Variants in FOCAD observed in about 807,000 individuals in gnomAD.
FOCAD encodes KIAA1797.
FOCAD carries 198 observed loss-of-function variants against 225.6 expected under a neutral mutation model. The observed-to-expected ratio is 0.88, with a 90% CI of 0.78 to 0.99. FOCAD has a LOEUF of 0.99. Among genes scored for constraint, FOCAD ranks in the 50% least tolerant of loss-of-function variants. FOCAD has a pLI of 0.00. For synonymous variants in FOCAD, 897 were observed against 755.0 expected (o/e 1.19, Z -3.08); for missense variants, 2,713 against 2,123.6 (o/e 1.28, Z -5.46).
At chr9:20,736,972 G>C (rs1827203082) in intron 4 of FOCAD, among the ~76,000 whole-genome samples, 1 of 151,810 alleles carries the variant, frequency 6.6e-6, no homozygotes, top group Non-Finnish European at 1.5e-5. Flanking sequence ...ATTTCAAGTG[G>C]GTTGAGGGGG....
chr9:20,937,554 C>G (rs934202924), intron 28 of FOCAD, among the ~76,000 whole-genome samples: 1 of 151,906 alleles, frequency 6.6e-6, no homozygotes, highest in Non-Finnish European at 1.5e-5. Flanking sequence ...GGATCCCTTC[C>G]TTACACCTTA....
intron 7 of FOCAD, among the ~76,000 whole-genome samples, chr9:20,767,183 CA>C (rs1830122463): frequency 6.6e-6 from 1 of 150,854 alleles, no homozygotes; most frequent in Non-Finnish European, 1.5e-5. Context: ...CATAGTATTC[CA>C]TGGTGTATAT....
intron 8 of FOCAD, among the ~76,000 whole-genome samples, chr9:20,773,202 C>T (rs1001415281): frequency 6.6e-6 from 1 of 152,104 alleles, no homozygotes; most frequent in South Asian, 2.1e-4. Context: ...TTGTGTATTT[C>T]CCCCCACCTT....
intron 40 of FOCAD, among the ~76,000 whole-genome samples, chr9:20,986,870 T>C (rs934457445): frequency 2.0e-5 from 3 of 152,146 alleles, no homozygotes; most frequent in Non-Finnish European, 2.9e-5. Flanking sequence ...AACTAGTTAT[T>C]TTACAGAAGA....
At chr9:20,671,530 G>A (rs1465404222) in intron 2 of FOCAD, among the ~76,000 whole-genome samples, 1 of 152,092 alleles carries the variant, frequency 6.6e-6, no homozygotes, top group Non-Finnish European at 1.5e-5. Flanking sequence ...TGTATATGGT[G>A]ACTGTTCAGT....
chr9:20,995,608 G>T lies in FOCAD; in HGVS notation c.5385G>T (p.Trp1795Cys). Residue 1795 changes from tryptophan to cysteine, a missense_variant, in exon 44 of 44, where the codon TGG becomes TGT. Trp to Cys is a radical substitution (Grantham distance 215). Transcript: ENST00000338382. The part of the protein sequence containing the change: ...VLPEFKKKAV[W>C]TRAYGW ...CAGAGTTTAAGAAGAAAGCTGTATG[G>T]ACCAGAGCATATGGTTGGTGAACAG... 1 of 1,612,790 alleles carries T rather than the reference G, an allele frequency of 6.2e-7. No individual in the cohort carries two copies. The highest frequency in any genetic ancestry group is 1.1e-5 in the South Asian group (1 of 91,038).
At chr9:20,687,150 T>G (rs527764903) in intron 1 of FOCAD, among the ~76,000 whole-genome samples, 1 of 152,330 alleles carries the variant, frequency 6.6e-6, no homozygotes, top group South Asian at 2.1e-4. Flanking sequence ...CTTTAAATAC[T>G]GTATAGCTTT....
intron 23 of FOCAD, among the ~76,000 whole-genome samples, chr9:20,913,360 A>G (rs1833609181): frequency 6.6e-6 from 1 of 152,028 alleles, no homozygotes; most frequent in Non-Finnish European, 1.5e-5. Context: ...CTTCCCCAAG[A>G]CATAATTATT....
At chr9:20,745,291 G>T (rs1827954251) in intron 5 of FOCAD, among the ~76,000 whole-genome samples, 1 of 151,738 alleles carries the variant, frequency 6.6e-6, no homozygotes, top group Non-Finnish European at 1.5e-5. Context: ...GTAGAGGCAG[G>T]GTTGTCCAGG....
chr9:20,779,526 C>T (rs1261650226), intron 9 of FOCAD, among the ~76,000 whole-genome samples: 17 of 152,136 alleles, frequency 1.1e-4, no homozygotes, highest in Admixed American at 1.0e-3. Context: ...GTGGGTGGAC[C>T]ACCTGAGGTC....
chr9:20,925,806 G>A (rs1201504314), intron 25 of FOCAD, among the ~76,000 whole-genome samples: 3 of 152,050 alleles, frequency 2.0e-5, no homozygotes, highest in Non-Finnish European at 4.4e-5. Flanking sequence ...TCAGTGAGTT[G>A]GGTGAATGTT....
At chr9:20,791,010 T>C (rs1820470677) in intron 11 of FOCAD, among the ~76,000 whole-genome samples, 1 of 152,166 alleles carries the variant, frequency 6.6e-6, no homozygotes, top group South Asian at 2.1e-4. Flanking sequence ...TTCTGCTTTA[T>C]CTCTCCTTTT....
chr9:20,695,807 G>A (rs1823321553), intron 1 of FOCAD, among the ~76,000 whole-genome samples: 1 of 152,224 alleles, frequency 6.6e-6, no homozygotes, highest in Non-Finnish European at 1.5e-5. Context: ...CTGGGCAGGT[G>A]TTGACTGCAG....
chr9:20,740,470 T>C (rs1827519971), intron 5 of FOCAD, 130 bp downstream of exon 5: 3 of 531,218 alleles, frequency 5.6e-6, no homozygotes, highest in African/African-American at 1.9e-5. Context: ...TTGTGGGTGT[T>C]GACCTCTCAG....
intron 11 of FOCAD, among the ~76,000 whole-genome samples, chr9:20,793,623 A>T (rs7036788): frequency 0.21 from 32,504 of 152,148 alleles, 3,627 homozygotes; most frequent in South Asian, 0.32. Context: ...AACAGCAAGC[A>T]TCAGAAAGGA....
At chr9:20,949,524 G>T in intron 32 of FOCAD, 80 bp from the exon 33 acceptor site, 1 of 870,518 alleles carries the variant, frequency 1.1e-6, no homozygotes, top group Non-Finnish European at 1.8e-6. Flanking sequence ...TTAGAAGATG[G>T]ATAGCTCATG....
chr9:20,679,885 GT>G (rs76970043), upstream of FOCAD, among the ~76,000 whole-genome samples: 20,422 of 152,162 alleles, frequency 0.13, 1,672 homozygotes, highest in Non-Finnish European at 0.18. Flanking sequence ...CCCTCCACAG[GT>G]TACATGAATA....
At chr9:20,955,645 A>G (rs1838070563) in intron 35 of FOCAD, among the ~76,000 whole-genome samples, 1 of 151,516 alleles carries the variant, frequency 6.6e-6, no homozygotes, top group South Asian at 2.1e-4. Context: ...TCTTGTGAAC[A>G]TTTCTTGACT....
At chr9:20,944,050 G>C (rs1836930204) in intron 28 of FOCAD, among the ~76,000 whole-genome samples, 1 of 152,210 alleles carries the variant, frequency 6.6e-6, no homozygotes, top group Admixed American at 6.5e-5. Context: ...GATCAGAGGG[G>C]AGAGAAGGAT....
Sources: allele counts gnomAD v4.1 joint callset (sites outside exome capture counted in the v4.1 genomes callset), GRCh38; gene constraint gnomAD v4.1.1; transcripts MANE v1.5; gene names NCBI Gene and HGNC (gene_info 2026-07-23, HGNC 2026-07-21).